Variants in OSMR observed in about 807,000 individuals in gnomAD.
The protein encoded by OSMR is oncostatin-M-specific receptor subunit beta.
A neutral mutation model predicts 99.9 loss-of-function variants in OSMR; 81 were observed. The ratio of observed to expected loss-of-function variants is 0.81; its 90% CI spans 0.68 to 0.97. OSMR has a LOEUF of 0.97. OSMR is among the 50% of genes least tolerant of loss of function. The pLI, the probability that OSMR is intolerant of heterozygous loss-of-function variation, is 0.00. For missense variants in OSMR, 1,099 were observed against 1,153.4 expected (o/e 0.95, Z 0.68); for synonymous variants, 406 against 410.4 (o/e 0.99, Z 0.13).
chr5:38,930,385 C>G (rs1036670345), intron 15 of OSMR, among the ~76,000 whole-genome samples: 1 of 152,128 alleles, frequency 6.6e-6, no homozygotes, highest in African/African-American at 2.4e-5. Flanking sequence ...TGCATCTACC[C>G]AGGGCCACTT....
intron 9 of OSMR, among the ~76,000 whole-genome samples, chr5:38,911,558 T>TTA: frequency 6.6e-6 from 1 of 152,320 alleles, no homozygotes; most frequent in East Asian, 1.9e-4. Flanking sequence ...CCTAACTCAT[T>TTA]CTGTGAGGCC....
At chr5:38,849,961 G>T (rs942572403) in intron 1 of OSMR, among the ~76,000 whole-genome samples, 2 of 152,286 alleles carry the variant, frequency 1.3e-5, no homozygotes, top group South Asian at 4.1e-4. Context: ...ATACATGCTA[G>T]CTGGGATCTT....
intron 12 of OSMR, among the ~76,000 whole-genome samples, 175 bp downstream of exon 12, chr5:38,921,969 C>T (rs1236220545): frequency 3.9e-5 from 6 of 152,134 alleles, no homozygotes; most frequent in Non-Finnish European, 8.8e-5. Flanking sequence ...TAAAACTTGA[C>T]CTTTAAATCT....
At chr5:38,863,261 C>T (rs1470646353) in intron 1 of OSMR, among the ~76,000 whole-genome samples, 6 of 131,942 alleles carry the variant, frequency 4.5e-5, no homozygotes, top group Non-Finnish European at 9.3e-5. Flanking sequence ...GTTGAGATGG[C>T]CAGGTGTGGT....
chr5:38,892,196 C>T (rs1318510431), intron 7 of OSMR, among the ~76,000 whole-genome samples: 1 of 152,190 alleles, frequency 6.6e-6, no homozygotes, highest in African/African-American at 2.4e-5. Context: ...AAATCCTGCC[C>T]TCCCTGGTGA....
downstream of OSMR, chr5:38,939,632 C>T (rs999134178): frequency 2.2e-5 from 5 of 229,046 alleles, no homozygotes; most frequent in Admixed American, 1.1e-4. Context: ...ATTCACTTTA[C>T]GATTAGAAAT....
downstream of OSMR, among the ~76,000 whole-genome samples, chr5:38,936,120 A>AAAT: frequency 6.6e-6 from 1 of 152,318 alleles, no homozygotes; most frequent in Non-Finnish European, 1.5e-5. Context: ...GGACAATTTC[A>AAAT]AATAAATATA....
chr5:38,942,488 C>G, intron 1 of OSMR: 2 of 514,714 alleles, frequency 3.9e-6, no homozygotes, highest in South Asian at 4.9e-5. Context: ...CTTGCTCAGT[C>G]TTCCCAGGAT....
chr5:38,923,258 A>T lies in OSMR; in HGVS notation c.1870+4A>T, dbSNP rs774256346. ...ACAGGATACTCTCAGGAACTTGGTA[A>T]GTTTAAAGCATGTAATGTGCCCCAT... is the stretch of plus-strand genomic sequence containing the variant. On this transcript the variant is annotated splice_donor_region_variant and intron_variant, in intron 13 of 17. Transcript: ENST00000274276. 2.0e-5 allele frequency: 31 copies of T among 1,535,736 alleles called. No individual in the cohort carries two copies. Among genetic ancestry groups the T allele is most frequent in the Non-Finnish European group, 2.8e-5 (31 of 1,108,952 alleles).
At chr5:38,848,057 C>T (rs751348355) in intron 1 of OSMR, among the ~76,000 whole-genome samples, 5 of 152,062 alleles carry the variant, frequency 3.3e-5, no homozygotes, top group Non-Finnish European at 7.4e-5. Context: ...AGAACTGTTA[C>T]GGTTTTCAAA....
chr5:38,879,395 C>T (rs896237999), intron 3 of OSMR, among the ~76,000 whole-genome samples: 3 of 152,162 alleles, frequency 2.0e-5, no homozygotes, highest in Admixed American at 6.6e-5. Flanking sequence ...TTTGAATAGC[C>T]GCACAGCGGA....
chr5:38,917,217 C>T (rs996905920), intron 9 of OSMR, among the ~76,000 whole-genome samples: 1 of 151,652 alleles, frequency 6.6e-6, no homozygotes, highest in Non-Finnish European at 1.5e-5. Flanking sequence ...CCTAGAAAGT[C>T]AAAAAAAGGG....
intron 6 of OSMR, 93 bp from the exon 7 acceptor site, chr5:38,885,946 T>G (rs1743709211): frequency 6.5e-7 from 1 of 1,541,160 alleles, no homozygotes; most frequent in Non-Finnish European, 8.7e-7. Context: ...AGTTTGACAG[T>G]CACTGAGTAT....
intron 7 of OSMR, among the ~76,000 whole-genome samples, chr5:38,894,056 A>G (rs1744330116): frequency 6.6e-6 from 1 of 152,226 alleles, no homozygotes; most frequent in African/African-American, 2.4e-5. Flanking sequence ...TCCAACCAAG[A>G]ATTTCATATC....
chr5:38,878,948 C>T (rs1198429639), intron 3 of OSMR, among the ~76,000 whole-genome samples: 1 of 152,160 alleles, frequency 6.6e-6, no homozygotes. Context: ...AGCCTGTGCT[C>T]CCAGATCAGG....
intron 9 of OSMR, among the ~76,000 whole-genome samples, chr5:38,916,818 G>A (rs357259): frequency 0.63 from 95,122 of 151,464 alleles, 30,100 homozygotes; most frequent in African/African-American, 0.69. Context: ...TCATTCAAAC[G>A]GTTTGTAGAG....
chr5:38,890,412 G>C (rs868627370), intron 7 of OSMR, among the ~76,000 whole-genome samples: 1 of 152,144 alleles, frequency 6.6e-6, no homozygotes, highest in African/African-American at 2.4e-5. Flanking sequence ...TAATCTGAGA[G>C]CCTAAATTTT....
intron 15 of OSMR, chr5:38,931,619 A>G (rs879740529): frequency 5.3e-6 from 1 of 190,012 alleles, no homozygotes; most frequent in Non-Finnish European, 9.7e-6. Flanking sequence ...TAATACAGCA[A>G]GTCATGATCC....
At chr5:38,943,944 C>T (rs1406638381) in intron 1 of OSMR, among the ~76,000 whole-genome samples, 3 of 151,894 alleles carry the variant, frequency 2.0e-5, no homozygotes, top group Non-Finnish European at 4.4e-5. Context: ...ACATGTAAGC[C>T]CACTTTCCTC....
Sources: allele counts gnomAD v4.1 joint callset (sites outside exome capture counted in the v4.1 genomes callset), GRCh38; gene constraint gnomAD v4.1.1; transcripts MANE v1.5; gene names NCBI Gene and HGNC (gene_info 2026-07-23, HGNC 2026-07-21).